Variants in OR2L13 observed in about 807,000 individuals in gnomAD.
The protein encoded by OR2L13 is olfactory receptor family 2 subfamily L member 13.
In OR2L13, 14 loss-of-function variants were observed where a neutral mutation model predicts 15.3. That is an observed-to-expected ratio of 0.91 (90% CI 0.60 to 1.43). The LOEUF is 1.43. OR2L13 is among the 40% of genes most tolerant of loss of function. The pLI is 0.00. For synonymous variants in OR2L13, 152 were observed against 142.9 expected (o/e 1.06, Z -0.45); for missense variants, 367 against 387.9 (o/e 0.95, Z 0.45).
At chr1:248,088,625 G>A in the OR2L13 span, among the ~76,000 whole-genome samples, 5 of 152,162 alleles carry the variant, frequency 3.3e-5, no homozygotes, top group African/African-American at 1.2e-4. Flanking sequence ...GAGTAAAGTT[G>A]ATTCTGGCCT....
At chr1:247,993,026 C>A in the OR2L13 span, among the ~76,000 whole-genome samples, 2 of 148,920 alleles carry the variant, frequency 1.3e-5, no homozygotes, top group South Asian at 4.2e-4. Context: ...GCAGCTTCAC[C>A]AGCATCTGGT....
the OR2L13 span, among the ~76,000 whole-genome samples, chr1:247,998,602 G>A: frequency 2.6e-5 from 4 of 152,074 alleles, no homozygotes; most frequent in East Asian, 1.9e-4. Flanking sequence ...GCATAAAAAC[G>A]TTAAAAGGGC....
chr1:248,078,362 A>C, the OR2L13 span, among the ~76,000 whole-genome samples: 1 of 151,898 alleles, frequency 6.6e-6, no homozygotes, highest in African/African-American at 2.4e-5. Flanking sequence ...AGTCCCAGCT[A>C]CTCGGGAGGC....
chr1:248,062,785 C>A, the OR2L13 span: 18 of 152,022 alleles, frequency 1.2e-4, no homozygotes, highest in African/African-American at 4.3e-4. Context: ...TGATGGTTAC[C>A]CCGATTAACC....
the OR2L13 span, among the ~76,000 whole-genome samples, chr1:248,071,732 T>C: frequency 4.0e-5 from 6 of 150,014 alleles, no homozygotes; most frequent in Non-Finnish European, 4.5e-5. Context: ...AAAACCCCAT[T>C]GTCTCAGCCC....
chr1:247,976,508 A>G, the OR2L13 span, among the ~76,000 whole-genome samples: 3 of 150,266 alleles, frequency 2.0e-5, no homozygotes, highest in African/African-American at 7.3e-5. Context: ...AAGTCCTCTT[A>G]CTATAAAGAT....
the OR2L13 span, among the ~76,000 whole-genome samples, chr1:248,020,802 ATTATT>A: frequency 6.6e-6 from 1 of 151,598 alleles, no homozygotes; most frequent in South Asian, 2.1e-4. Context: ...TCATTTTATT[ATTATT>A]TTATTTTTTA....
At chr1:247,972,685 T>C in the OR2L13 span, among the ~76,000 whole-genome samples, 1 of 152,110 alleles carries the variant, frequency 6.6e-6, no homozygotes, top group Non-Finnish European at 1.5e-5. Flanking sequence ...ACAGCCAAAT[T>C]CAACCAGAGG....
At chr1:248,093,120 G>T (rs1406579431), upstream of OR2L13, among the ~76,000 whole-genome samples, 8 of 152,100 alleles carry the variant, frequency 5.3e-5, no homozygotes, top group South Asian at 4.1e-4. Flanking sequence ...TGGAAGAAAA[G>T]TTTGAAATCT....
At chr1:248,022,965 A>G in the OR2L13 span, 2 of 1,285,870 alleles carry the variant, frequency 1.6e-6, no homozygotes, top group Non-Finnish European at 2.2e-6. Flanking sequence ...AAACATTATT[A>G]CATGCCCAGT....
chr1:248,083,787 T>C, the OR2L13 span: 3 of 1,613,742 alleles, frequency 1.9e-6, no homozygotes, highest in African/African-American at 4.0e-5. Context: ...TGACACAACC[T>C]TGTCGTGGTT....
the OR2L13 span, among the ~76,000 whole-genome samples, chr1:248,018,236 G>C: frequency 6.6e-6 from 1 of 151,944 alleles, no homozygotes; most frequent in African/African-American, 2.4e-5. Context: ...TATGAGATCT[G>C]ATGTGCCGTC....
the OR2L13 span, among the ~76,000 whole-genome samples, chr1:248,047,681 TAAC>T: frequency 6.6e-6 from 1 of 152,190 alleles, no homozygotes; most frequent in Non-Finnish European, 1.5e-5. Context: ...ATAGCTGCCT[TAAC>T]AACCACACAG....
the OR2L13 span, among the ~76,000 whole-genome samples, chr1:248,014,324 T>C: frequency 6.6e-6 from 1 of 152,070 alleles, no homozygotes; most frequent in Non-Finnish European, 1.5e-5. Context: ...AGAGCAATGA[T>C]ATAGTTTTTA....
chr1:248,034,656 C>G, the OR2L13 span, among the ~76,000 whole-genome samples: 3 of 152,100 alleles, frequency 2.0e-5, no homozygotes, highest in Admixed American at 2.0e-4. Context: ...TTCTAATCAG[C>G]ATTTTGTCAT....
the OR2L13 span, among the ~76,000 whole-genome samples, chr1:248,036,962 A>C: frequency 6.6e-6 from 1 of 152,196 alleles, no homozygotes; most frequent in Non-Finnish European, 1.5e-5. Flanking sequence ...GGAAGCAAAG[A>C]CACAGAATAT....
chr1:247,967,045 C>CCA, the OR2L13 span, among the ~76,000 whole-genome samples: 2,571 of 147,492 alleles, frequency 0.017, 27 homozygotes, highest in Non-Finnish European at 0.026. Context: ...ACACCACACA[C>CCA]CACACACACA....
At chr1:248,060,830 T>G in the OR2L13 span, 9 of 1,613,936 alleles carry the variant, frequency 5.6e-6, no homozygotes, top group Admixed American at 6.7e-5. Flanking sequence ...CTCATCTTCT[T>G]GGACACCCAT....
the OR2L13 span, among the ~76,000 whole-genome samples, chr1:247,996,192 C>A: frequency 1.3e-5 from 2 of 152,306 alleles, no homozygotes; most frequent in African/African-American, 2.4e-5. Flanking sequence ...GGCAATTGAA[C>A]CCTGTGGGCC....
Sources: gnomAD v4.1 joint callset for allele counts (sites outside exome capture counted in the v4.1 genomes callset) on GRCh38, gnomAD v4.1.1 for gene constraint, MANE v1.5 for transcripts, NCBI Gene and HGNC (gene_info 2026-07-23, HGNC 2026-07-21) for gene names.